MYRFL: variants seen among roughly 807,000 people sequenced by gnomAD.
MYRFL encodes the protein myelin regulatory factor like.
Under a neutral mutation model 109.4 loss-of-function variants are expected in MYRFL, and 88 were observed. The ratio of observed to expected loss-of-function variants is 0.80; its 90% CI spans 0.68 to 0.96. The LOEUF (loss-of-function observed/expected upper bound fraction) is 0.96, where lower values mean the gene tolerates loss of function less well. Ranked by LOEUF, MYRFL falls within the 40% of genes least tolerant of loss-of-function variation. MYRFL has a pLI of 0.00. For synonymous variants in MYRFL, 324 were observed against 320.9 expected (o/e 1.01, Z -0.10); for missense variants, 957 against 954.9 (o/e 1.00, Z -0.03).
At chr12:69,927,823 T>C (rs577079136) in intron 15 of MYRFL, 75 bp downstream of exon 15, 5 of 1,341,306 alleles carry the variant, frequency 3.7e-6, no homozygotes, top group Non-Finnish European at 5.0e-6. Flanking sequence ...CAGTCAAGAA[T>C]TTTTTTCTCA....
At chr12:69,876,875 A>G (rs987995426) in intron 2 of MYRFL, among the ~76,000 whole-genome samples, 1 of 152,126 alleles carries the variant, frequency 6.6e-6, no homozygotes, top group Non-Finnish European at 1.5e-5. Context: ...CACAGCATTC[A>G]CTGTGCCTGG....
chr12:69,832,859 G>A (rs1882713825), intron 1 of MYRFL, among the ~76,000 whole-genome samples: 1 of 151,916 alleles, frequency 6.6e-6, no homozygotes, highest in African/African-American at 2.4e-5. Context: ...AGAGGAATCT[G>A]TTTAGGATGA....
chr12:69,825,434 G>T lies in MYRFL; in HGVS notation c.-84G>T. On this transcript the variant is annotated 5_prime_UTR_variant, in exon 1 of 25. Transcript: ENST00000552032. The stretch of plus-strand genomic sequence containing the variant: ...GAAGATTTTTCAAGAGCATTCGTAG[G>T]CTTCGAATCAAAAGGACAGTACTTA... 1.4e-6 allele frequency: 1 copy of T among 693,718 alleles called. No individual in the cohort carries two copies. The highest frequency in any genetic ancestry group is 1.5e-5 in the South Asian group (1 of 65,784). The allele number at this position is 693,718 out of a possible 1,614,324, so 43.0% of individuals were successfully genotyped here.
chr12:69,938,410 G>C (rs911465668), intron 19 of MYRFL, among the ~76,000 whole-genome samples: 12 of 152,098 alleles, frequency 7.9e-5, no homozygotes, highest in Admixed American at 7.2e-4. Context: ...ATTTTCAAGG[G>C]TTTCTTGACC....
chr12:69,833,769 A>G (rs1882773186), intron 1 of MYRFL, among the ~76,000 whole-genome samples: 1 of 151,246 alleles, frequency 6.6e-6, no homozygotes, highest in African/African-American at 2.4e-5. Context: ...GGTCACAGGG[A>G]ACATCTATAG....
chr12:69,942,713 G>T (rs1206160884), intron 19 of MYRFL, among the ~76,000 whole-genome samples: 1 of 151,950 alleles, frequency 6.6e-6, no homozygotes, highest in African/African-American at 2.4e-5. Flanking sequence ...AGGAAATAAA[G>T]GGTATTCAAA....
intron 1 of MYRFL, among the ~76,000 whole-genome samples, chr12:69,843,549 T>C (rs1054389068): frequency 6.6e-6 from 1 of 152,218 alleles, no homozygotes; most frequent in African/African-American, 2.4e-5. Context: ...CAGGGAGTCC[T>C]GAAAGCAAGG....
intron 21 of MYRFL, among the ~76,000 whole-genome samples, 183 bp from the exon 22 acceptor site, chr12:69,955,180 T>C (rs1037558809): frequency 6.6e-6 from 1 of 152,162 alleles, no homozygotes; most frequent in African/African-American, 2.4e-5. Flanking sequence ...AAGAGATCAC[T>C]CTGAATTTGA....
At chr12:69,958,017 T>C in intron 23 of MYRFL, 75 bp downstream of exon 23, 1 of 1,485,318 alleles carries the variant, frequency 6.7e-7, no homozygotes, top group Non-Finnish European at 9.0e-7. Flanking sequence ...TTTCCCTCCC[T>C]GGCCAACCCT....
chr12:69,867,936 G>A (rs1037428386), intron 2 of MYRFL, among the ~76,000 whole-genome samples: 1 of 152,146 alleles, frequency 6.6e-6, no homozygotes, highest in Non-Finnish European at 1.5e-5. Context: ...TGTGCCAGAT[G>A]AAACGACCTA....
intron 19 of MYRFL, among the ~76,000 whole-genome samples, chr12:69,938,965 G>A (rs538641229): frequency 4.6e-5 from 7 of 152,292 alleles, no homozygotes; most frequent in South Asian, 2.1e-4. Flanking sequence ...ACTCCCACCC[G>A]AATACTGCGC....
At chr12:69,936,831 G>T (rs1328067752) in intron 19 of MYRFL, among the ~76,000 whole-genome samples, 199 bp downstream of exon 19, 2 of 152,164 alleles carry the variant, frequency 1.3e-5, no homozygotes, top group Non-Finnish European at 2.9e-5. Flanking sequence ...TGAAATTTTG[G>T]TTGATTCAAG....
intron 1 of MYRFL, among the ~76,000 whole-genome samples, chr12:69,832,467 C>T (rs1215368081): frequency 2.0e-5 from 3 of 152,106 alleles, no homozygotes; most frequent in African/African-American, 7.2e-5. Flanking sequence ...TTCAAAATGT[C>T]ATTAATTATG....
intron 19 of MYRFL, among the ~76,000 whole-genome samples, chr12:69,943,339 A>G (rs1229141485): frequency 1.3e-5 from 2 of 149,180 alleles, no homozygotes; most frequent in Non-Finnish European, 3.0e-5. Flanking sequence ...ACAGAGATAT[A>G]GATCAATGGA....
At chr12:69,881,700 A>C (rs1440451341) in intron 5 of MYRFL, among the ~76,000 whole-genome samples, 1 of 152,200 alleles carries the variant, frequency 6.6e-6, no homozygotes, top group African/African-American at 2.4e-5. Context: ...CTAAACCTCA[A>C]ACTGCCTCCT....
intron 19 of MYRFL, among the ~76,000 whole-genome samples, chr12:69,945,842 C>T (rs1327998938): frequency 1.3e-5 from 2 of 149,750 alleles, no homozygotes; most frequent in South Asian, 4.3e-4. Context: ...AAAAAATTAG[C>T]CGGGCGTAGT....
At chr12:69,955,559 T>C (rs1764250158) in intron 22 of MYRFL, 122 bp downstream of exon 22, 2 of 484,464 alleles carry the variant, frequency 4.1e-6, no homozygotes, top group Non-Finnish European at 7.3e-6. Context: ...TGTTAACTAA[T>C]GATGGTTTGA....
chr12:69,916,233 C>T (rs1954724718), intron 13 of MYRFL, among the ~76,000 whole-genome samples: 1 of 151,970 alleles, frequency 6.6e-6, no homozygotes, highest in Non-Finnish European at 1.5e-5. Context: ...TAATAAAGCT[C>T]TAAGTAATAA....
intron 10 of MYRFL, among the ~76,000 whole-genome samples, chr12:69,899,827 T>G (rs755584469): frequency 1.3e-5 from 2 of 152,144 alleles, no homozygotes; most frequent in African/African-American, 4.8e-5. Flanking sequence ...AGAAGTATAT[T>G]ATGGTCCTGT....
Sources: gnomAD v4.1 joint callset for allele counts (sites outside exome capture counted in the v4.1 genomes callset) on GRCh38, gnomAD v4.1.1 for gene constraint, MANE v1.5 for transcripts, NCBI Gene and HGNC (gene_info 2026-07-23, HGNC 2026-07-21) for gene names.